The following PDE4D variants were observed in gnomAD, a reference collection of about 807,000 sequenced individuals.
The protein encoded by PDE4D is phosphodiesterase 4D.
PDE4D carries 24 observed loss-of-function variants against 87.4 expected under a neutral mutation model. The observed-to-expected ratio is 0.27, with a 90% CI of 0.20 to 0.39. The LOEUF (loss-of-function observed/expected upper bound fraction) is 0.39, where lower values mean the gene tolerates loss of function less well. PDE4D is among the 10% of genes least tolerant of loss of function. PDE4D has a pLI of 1.00. For missense variants in PDE4D, 714 were observed against 1,041.0 expected, an observed-to-expected ratio of 0.69 and a Z score of 4.32; for synonymous variants, 384 against 383.2, an observed-to-expected ratio of 1.00 and a Z score of -0.02.
At chr5:60,006,769 A>T (rs970646599) in intron 2 of PDE4D, among the ~76,000 whole-genome samples, 1 of 151,964 alleles carries the variant, frequency 6.6e-6, no homozygotes, top group African/African-American at 2.4e-5. Flanking sequence ...CCTTTTAAAA[A>T]TTAAGTGCTT....
intron 1 of PDE4D, among the ~76,000 whole-genome samples, chr5:59,416,249 A>G (rs969754258): frequency 2.1e-4 from 32 of 152,184 alleles, no homozygotes; most frequent in African/African-American, 7.0e-4. Context: ...GACCAGCTCT[A>G]TCTTCACGTC....
chr5:59,998,317 T>C (rs376524053), intron 2 of PDE4D, among the ~76,000 whole-genome samples: 8 of 152,276 alleles, frequency 5.3e-5, no homozygotes, highest in African/African-American at 1.9e-4. Context: ...GATTACAACC[T>C]AGTTTAATGT....
chr5:59,097,075 T>G (rs1331975372), intron 5 of PDE4D, among the ~76,000 whole-genome samples: 1 of 152,194 alleles, frequency 6.6e-6, no homozygotes, highest in Non-Finnish European at 1.5e-5. Context: ...AGTAGAAACT[T>G]CAAAATAAAT....
At chr5:60,478,537 G>A (rs778805212) in intron 1 of PDE4D, among the ~76,000 whole-genome samples, 1 of 152,020 alleles carries the variant, frequency 6.6e-6, no homozygotes, top group African/African-American at 2.4e-5. Context: ...CTACCTTCTT[G>A]TATATATACC....
At chr5:60,274,130 T>C in intron 1 of PDE4D, among the ~76,000 whole-genome samples, 1 of 151,820 alleles carries the variant, frequency 6.6e-6, no homozygotes, top group East Asian at 1.9e-4. Flanking sequence ...TATGAAGAGG[T>C]AAACCTTGAA....
intron 1 of PDE4D, among the ~76,000 whole-genome samples, chr5:59,693,194 A>T (rs971852231): frequency 9.2e-5 from 14 of 152,044 alleles, no homozygotes; most frequent in African/African-American, 3.4e-4. Context: ...ATAGTAAAAA[A>T]TATATAAATA....
intron 1 of PDE4D, among the ~76,000 whole-genome samples, chr5:59,427,333 A>G (rs1285944047): frequency 6.8e-6 from 1 of 146,684 alleles, no homozygotes; most frequent in Non-Finnish European, 1.5e-5. Flanking sequence ...ACACACACAC[A>G]CACACGCCCC....
rs61135815 is a variant in PDE4D at position 59,181,541 on chromosome 5, C to CATATATATATATATATA, written c.759-898_759-897insTATATATATATATATAT. 5.1e-3 allele frequency among the ~76,000 whole-genome samples: 308 copies of CATATATATATATATATA among 60,762 alleles called. 16 individuals carry two copies. Among genetic ancestry groups the CATATATATATATATATA allele is most frequent in the African/African-American group, 0.015 (232 of 15,150 alleles). The allele number at this position is 60,762 out of a possible 152,430, so 39.9% of individuals were successfully genotyped here. A position where few individuals can be genotyped will look rare whatever the true frequency, so the allele number is the denominator to read the frequency against. On this transcript the variant is annotated intron_variant, in intron 4 of 14. Coordinates refer to ENST00000340635, the MANE Select transcript of PDE4D (RefSeq NM_001104631.2). ...CACTTTTAGATACATTCAAAGATGT[C>CATATATATATATATATA]TGATATATATATATATATATATATA...
chr5:59,558,752 A>G (rs756612858), intron 1 of PDE4D: 4 of 152,206 alleles, frequency 2.6e-5, no homozygotes, highest in Non-Finnish European at 4.4e-5. Flanking sequence ...AAGTCAAAGA[A>G]GCTCTTATCT....
At chr5:60,053,473 A>G (rs990576721) in intron 2 of PDE4D, among the ~76,000 whole-genome samples, 2 of 152,226 alleles carry the variant, frequency 1.3e-5, no homozygotes, top group Non-Finnish European at 2.9e-5. Context: ...GGTGTTGGGG[A>G]AACTGGCTAA....
At chr5:59,071,279 T>A (rs114864698) in intron 5 of PDE4D, among the ~76,000 whole-genome samples, 12 of 152,236 alleles carry the variant, frequency 7.9e-5, no homozygotes, top group African/African-American at 2.4e-4. Context: ...TGCTAAATGC[T>A]CCAATTAATG....
intron 1 of PDE4D, among the ~76,000 whole-genome samples, chr5:60,242,484 A>G (rs1404671928): frequency 6.6e-6 from 1 of 152,144 alleles, no homozygotes; most frequent in Admixed American, 6.6e-5. Context: ...CCCGATAGAT[A>G]TTTACAGGAC....
chr5:60,363,050 C>A (rs1169554059), intron 1 of PDE4D, among the ~76,000 whole-genome samples: 1 of 152,048 alleles, frequency 6.6e-6, no homozygotes, highest in Non-Finnish European at 1.5e-5. Context: ...CATGTTTTCC[C>A]TTCTTTCTAT....
At chr5:60,295,322 TG>T (rs1263558244) in intron 1 of PDE4D, among the ~76,000 whole-genome samples, 1 of 152,222 alleles carries the variant, frequency 6.6e-6, no homozygotes, top group Non-Finnish European at 1.5e-5. Flanking sequence ...CTTCTTGCTT[TG>T]CAAATTGTAT....
At chr5:59,031,707 CAAAAAAAAAAAAA>C (rs70973183) in intron 6 of PDE4D, among the ~76,000 whole-genome samples, 1 of 16,686 alleles carries the variant, frequency 6.0e-5, no homozygotes, top group African/African-American at 2.7e-4. Context: ...GACTCCACCT[CAAAAAAAAAAAAA>C]AAAAAAAAAA....
chr5:60,247,877 C>G (rs1343282472), intron 1 of PDE4D, among the ~76,000 whole-genome samples: 1 of 151,990 alleles, frequency 6.6e-6, no homozygotes, highest in East Asian at 1.9e-4. Flanking sequence ...CTGCTGTGCT[C>G]TAGACATTGG....
At chr5:60,340,598 C>A (rs544174709) in intron 1 of PDE4D, among the ~76,000 whole-genome samples, 2 of 93,104 alleles carry the variant, frequency 2.1e-5, no homozygotes, top group African/African-American at 4.7e-5. Context: ...ACAAAGCAGT[C>A]ACATCATTTA....
chr5:60,138,124 A>G (rs1284966660), intron 2 of PDE4D, among the ~76,000 whole-genome samples: 5 of 151,920 alleles, frequency 3.3e-5, no homozygotes, highest in Non-Finnish European at 5.9e-5. Flanking sequence ...TGGGTTCTCT[A>G]TTCTTTTTCT....
intron 1 of PDE4D, among the ~76,000 whole-genome samples, chr5:59,561,389 G>A (rs1324350169): frequency 6.6e-6 from 1 of 152,186 alleles, no homozygotes; most frequent in Non-Finnish European, 1.5e-5. Context: ...TGCTCAATTA[G>A]ACAAAGTTAA....
Sources: allele counts gnomAD v4.1 joint callset (sites outside exome capture counted in the v4.1 genomes callset), GRCh38; gene constraint gnomAD v4.1.1; transcripts MANE v1.5; gene names NCBI Gene and HGNC (gene_info 2026-07-23, HGNC 2026-07-21).